XRRA1: variants seen among roughly 807,000 people sequenced by gnomAD.
XRRA1 encodes the protein X-ray radiation resistance-associated protein 1.
In XRRA1, 69 loss-of-function variants were observed where a neutral mutation model predicts 80.2. The observed-to-expected ratio is 0.86, with a 90% CI of 0.71 to 1.05. The LOEUF (loss-of-function observed/expected upper bound fraction) is 1.05, where lower values mean the gene tolerates loss of function less well. Among genes scored for constraint, XRRA1 ranks in the 50% least tolerant of loss-of-function variants. The pLI is 0.00. For missense variants in XRRA1, 967 were observed against 976.4 expected (o/e 0.99, Z 0.13); for synonymous variants, 348 against 389.9 (o/e 0.89, Z 1.27).
At chr11:74,943,434 C>T (rs1946741722) in intron 2 of XRRA1, among the ~76,000 whole-genome samples, 1 of 151,796 alleles carries the variant, frequency 6.6e-6, no homozygotes, top group Admixed American at 6.6e-5. Context: ...TACATTTTAC[C>T]GAGGACTTGC....
chr11:74,854,480 A>T (rs1756016420), intron 12 of XRRA1, among the ~76,000 whole-genome samples: 1 of 152,260 alleles, frequency 6.6e-6, no homozygotes, highest in African/African-American at 2.4e-5. Context: ...TTGTTGTACA[A>T]AATCAGCCAT....
intron 10 of XRRA1, among the ~76,000 whole-genome samples, chr11:74,875,743 C>T (rs761702359): frequency 1.3e-4 from 20 of 152,132 alleles, no homozygotes; most frequent in African/African-American, 4.3e-4. Flanking sequence ...TGGTGGTGCA[C>T]GCCTGTAATC....
intron 1 of XRRA1, among the ~76,000 whole-genome samples, chr11:74,948,252 C>T (rs994194097): frequency 7.9e-5 from 12 of 152,152 alleles, no homozygotes; most frequent in Admixed American, 5.9e-4. Context: ...AGTAGTAGTT[C>T]CACCAGAGTA....
intron 12 of XRRA1, among the ~76,000 whole-genome samples, chr11:74,855,411 G>T (rs2040858489): frequency 6.6e-6 from 1 of 152,168 alleles, no homozygotes; most frequent in Non-Finnish European, 1.5e-5. Flanking sequence ...TAAAAAAATT[G>T]AATGATACTC....
Position 74,851,135 on chromosome 11 carries a change from CTA to C in XRRA1, c.1331_1332del (p.Ile444SerfsTer4). The C allele has an allele frequency of 6.2e-7, 1 of 1,613,138 alleles. No individual in the cohort carries two copies. The highest frequency in any genetic ancestry group is 8.5e-7 in the Non-Finnish European group (1 of 1,179,356). On this transcript the variant is annotated frameshift_variant, in exon 14 of 19. Transcript: ENST00000684022. LOFTEE classifies it high-confidence loss of function. Reference sequence around the variant, plus strand: ...ATCAAAACATGATGCTTAGGCTTTACTATCTTCCTTCGAATTAAGTGGATTCC... The same window carrying C: ...ATCAAAACATGATGCTTAGGCTTTACTCTTCCTTCGAATTAAGTGGATTCC... ...RLGIHLIRRK[I>X]VKPKHHVLMS...
At position 74,915,102 on chromosome 11, in the gene XRRA1, A is replaced by C. The variant is rs1329674162; in HGVS notation, c.656+6112T>G. On this transcript the variant is annotated intron_variant, in intron 8 of 18. Transcript: ENST00000684022. ...TAGCCCCACACAGGAGTGACCAAAA[A>C]CACAGGGGAAGAGAAATCTTCTAAG... Among the ~76,000 whole-genome samples, 6 of 152,328 alleles carry C rather than the reference A, an allele frequency of 3.9e-5. No individual in the cohort carries two copies. In the East Asian group the frequency reaches 1.2e-3, roughly 29 times the overall value.
At chr11:74,908,517 G>A (rs1253439487) in intron 8 of XRRA1, among the ~76,000 whole-genome samples, 1 of 152,120 alleles carries the variant, frequency 6.6e-6, no homozygotes, top group Non-Finnish European at 1.5e-5. Context: ...CTGAAGTCAG[G>A]GATATTTCAC....
At chr11:74,857,760 A>G (rs1028651713) in intron 12 of XRRA1, among the ~76,000 whole-genome samples, 1 of 152,260 alleles carries the variant, frequency 6.6e-6, no homozygotes, top group Non-Finnish European at 1.5e-5. Flanking sequence ...GACATCTTAC[A>G]GATTATGTTA....
At chr11:74,873,319 C>T (rs1429786646) in intron 10 of XRRA1, among the ~76,000 whole-genome samples, 1 of 152,178 alleles carries the variant, frequency 6.6e-6, no homozygotes, top group African/African-American at 2.4e-5. Flanking sequence ...GAGACTAGAT[C>T]AGATCCTCCA....
intron 10 of XRRA1, among the ~76,000 whole-genome samples, chr11:74,872,692 C>A (rs1162006045): frequency 6.6e-6 from 1 of 152,124 alleles, no homozygotes; most frequent in Non-Finnish European, 1.5e-5. Context: ...ACCAGTCTCA[C>A]AGATGGTCCA....
chr11:74,889,063 G>T (rs1657732557), intron 10 of XRRA1, among the ~76,000 whole-genome samples: 1 of 152,150 alleles, frequency 6.6e-6, no homozygotes, highest in Admixed American at 6.6e-5. Flanking sequence ...ACGCCACAAA[G>T]ATACTCCTCG....
intron 15 of XRRA1, among the ~76,000 whole-genome samples, chr11:74,846,701 C>T (rs1243314132): frequency 6.6e-6 from 1 of 152,114 alleles, no homozygotes; most frequent in Non-Finnish European, 1.5e-5. Flanking sequence ...CCCACTCTGT[C>T]ATGATTAAAA....
intron 1 of XRRA1, among the ~76,000 whole-genome samples, chr11:74,945,933 G>C (rs956559729): frequency 4.6e-5 from 7 of 151,850 alleles, no homozygotes; most frequent in Admixed American, 3.3e-4. Context: ...CTTAGGCTGA[G>C]CCTCCTCAAG....
Position 74,842,389 on chromosome 11 carries a change from AGT to A in XRRA1, c.*809_*810del, listed in dbSNP as rs1485714462. Reference sequence around the variant, plus strand: ...GAAGCAAGGCCCAAGTTGAGAATACAGTAAAGGAAACTCATGAAAGTGGATGT... The same window carrying A: ...GAAGCAAGGCCCAAGTTGAGAATACAAAAGGAAACTCATGAAAGTGGATGT... On this transcript the variant is annotated 3_prime_UTR_variant, in exon 19 of 19. Coordinates refer to ENST00000684022, the MANE Select transcript of XRRA1 (RefSeq NM_001378157.1). 9.9e-5 allele frequency: 15 copies of A among 152,284 alleles called. No homozygotes were observed. Among genetic ancestry groups the A allele is most frequent in the Admixed American group, 9.2e-4 (14 of 15,292 alleles). The allele number at this position is 152,284 out of a possible 1,614,324, so 9.4% of individuals were successfully genotyped here.
At chr11:74,859,118 T>C (rs765947839) in intron 12 of XRRA1, 40 bp downstream of exon 12, 1 of 1,548,020 alleles carries the variant, frequency 6.5e-7, no homozygotes, top group South Asian at 1.2e-5. Flanking sequence ...CACCTTCCCA[T>C]CTGTGCCCCT....
chr11:74,886,463 T>C (rs1038984200), intron 10 of XRRA1, among the ~76,000 whole-genome samples: 1 of 151,666 alleles, frequency 6.6e-6, no homozygotes, highest in Non-Finnish European at 1.5e-5. Context: ...CTGTCCACAA[T>C]AGCCACAAAA....
intron 3 of XRRA1, 64 bp downstream of exon 3, chr11:74,940,721 G>A (rs1380401059): frequency 7.6e-7 from 1 of 1,321,860 alleles, no homozygotes; most frequent in East Asian, 2.5e-5. Context: ...ACAAGTAGAT[G>A]TGAGATGGTC....
chr11:74,863,846 A>G (rs1053428334), intron 10 of XRRA1: 2 of 152,222 alleles, frequency 1.3e-5, no homozygotes, highest in Admixed American at 1.3e-4. Flanking sequence ...GCTTTGTGCA[A>G]TGAACAAAGT....
intron 10 of XRRA1, among the ~76,000 whole-genome samples, chr11:74,901,758 A>G (rs2053608644): frequency 6.6e-6 from 1 of 152,164 alleles, no homozygotes; most frequent in Non-Finnish European, 1.5e-5. Context: ...ATTAAACTTG[A>G]CTCCATCTCT....
Sources: allele counts gnomAD v4.1 joint callset (sites outside exome capture counted in the v4.1 genomes callset), GRCh38; gene constraint gnomAD v4.1.1; transcripts MANE v1.5; gene names NCBI Gene and HGNC (gene_info 2026-07-23, HGNC 2026-07-21).